LRBA: variants seen among roughly 807,000 people sequenced by gnomAD.
LRBA encodes the protein lipopolysaccharide-responsive and beige-like anchor protein.
In LRBA, 176 loss-of-function variants were observed where a neutral mutation model predicts 330.0. The ratio of observed to expected loss-of-function variants is 0.53; its 90% CI spans 0.47 to 0.60. LRBA has a LOEUF of 0.60. LRBA is among the 20% of genes least tolerant of loss of function. The pLI is 0.00. For missense variants in LRBA, 3,259 were observed against 3,444.8 expected (o/e 0.95, Z 1.35); for synonymous variants, 1,230 against 1,193.0 (o/e 1.03, Z -0.64).
Position 150,282,479 on chromosome 4 carries a change from C to T in LRBA, c.8287G>A (p.Ala2763Thr). Residue 2763 changes from alanine (A) to threonine (T), a missense_variant, in exon 55 of 57, where the codon GCC (alanine) becomes ACC (threonine). Physicochemically the swap from Ala to Thr is moderately conservative, Grantham distance 58 (BLOSUM62 0). Coordinates refer to ENST00000651943, the MANE Select transcript of LRBA (RefSeq NM_001364905.1). ...CTFSVNGKLQ[A>T]TMETDDNIRA... ...ATGTTATCATCTGTTTCCATCGTGG[C>T]CTGGAGTTTTCCATTCACACTGAAT... 6.2e-7 allele frequency: 1 copy of T among 1,614,136 alleles called. No individual in the cohort carries two copies. The highest frequency in any genetic ancestry group is 2.2e-5 in the East Asian group (1 of 44,872).
chr4:150,567,256 T>C (rs899355992), intron 40 of LRBA, among the ~76,000 whole-genome samples: 1 of 152,134 alleles, frequency 6.6e-6, no homozygotes, highest in African/African-American at 2.4e-5. Context: ...ATATATTATC[T>C]GATCATGTCG....
intron 40 of LRBA, among the ~76,000 whole-genome samples, chr4:150,576,363 A>G (rs1020128190): frequency 6.6e-6 from 1 of 151,966 alleles, no homozygotes; most frequent in African/African-American, 2.4e-5. Context: ...TAAGGTCAAA[A>G]GACATATGCC....
At chr4:150,774,539 T>C (rs1304933277) in intron 34 of LRBA, among the ~76,000 whole-genome samples, 1 of 152,244 alleles carries the variant, frequency 6.6e-6, no homozygotes, top group Non-Finnish European at 1.5e-5. Flanking sequence ...CTGACTGACT[T>C]GTAGAATGGC....
chr4:150,636,576 T>G (rs1269460652), intron 37 of LRBA, among the ~76,000 whole-genome samples: 1 of 152,146 alleles, frequency 6.6e-6, no homozygotes. Flanking sequence ...AGGCTTTAGG[T>G]GCATTCATTG....
At chr4:150,799,038 TC>T (rs1232502535) in intron 33 of LRBA, among the ~76,000 whole-genome samples, 2 of 152,182 alleles carry the variant, frequency 1.3e-5, no homozygotes, top group Admixed American at 1.3e-4. Flanking sequence ...CCCTATCCAT[TC>T]CCTTTGTCTT....
At chr4:150,809,909 C>T (rs539875010) in intron 31 of LRBA, among the ~76,000 whole-genome samples, 1 of 151,112 alleles carries the variant, frequency 6.6e-6, no homozygotes, top group East Asian at 1.9e-4. Flanking sequence ...CGATACGATA[C>T]GATACGATAC....
rs59516400 is a variant in LRBA at position 150,575,355 on chromosome 4, G to A, written c.6330+12693C>T. Among the ~76,000 whole-genome samples the A allele has an allele frequency of 1.3e-3, 193 of 151,928 alleles. 3 individuals are homozygous for A. Among genetic ancestry groups the A allele is most frequent in the African/African-American group, 4.5e-3 (188 of 41,482 alleles). ...TTACTCTAATTCATAACATTTAAAG[G>A]ATGAGGCAGGCTAGATTTTTAACAT... On this transcript the variant is annotated intron_variant, in intron 40 of 56. Transcript: ENST00000651943.
chr4:150,983,376 C>A (rs937995571), intron 2 of LRBA, among the ~76,000 whole-genome samples: 3 of 151,660 alleles, frequency 2.0e-5, no homozygotes, highest in African/African-American at 7.3e-5. Context: ...GAATGCTTGA[C>A]CCCAGGAGGT....
Position 150,906,330 on chromosome 4 carries a change from C to T in LRBA, c.1569G>A (p.Lys523=). ...IAMQEQMLAC[K]GFLVIGYSLE... is the part of the protein sequence containing the mutation. Reference sequence around the variant, plus strand: ...GGCTATATCCTATTACCAAGAAGCCCTTACAGGCAAGCATCTGTTCCTGCA... The same window carrying T: ...GGCTATATCCTATTACCAAGAAGCCTTTACAGGCAAGCATCTGTTCCTGCA... The change falls in exon 12 of 57, where the codon AAG becomes AAA. Residue 523 remains lysine, a synonymous_variant. Transcript: ENST00000651943. The T allele has an allele frequency of 6.2e-7, 1 of 1,610,344 alleles. No individual in the cohort carries two copies. The highest frequency in any genetic ancestry group is 8.5e-7 in the Non-Finnish European group (1 of 1,176,918).
chr4:150,933,128 C>T (rs1734692336), intron 2 of LRBA, among the ~76,000 whole-genome samples: 1 of 152,018 alleles, frequency 6.6e-6, no homozygotes, highest in Admixed American at 6.5e-5. Context: ...TGGATCACTC[C>T]TGTAATCCCA....
At chr4:150,606,594 T>A (rs1271957001) in intron 37 of LRBA, among the ~76,000 whole-genome samples, 3 of 152,170 alleles carry the variant, frequency 2.0e-5, no homozygotes, top group Non-Finnish European at 4.4e-5. Context: ...TGTTCTCTGT[T>A]ATATACAGTA....
At chr4:150,655,323 T>G (rs1780079186) in intron 37 of LRBA, among the ~76,000 whole-genome samples, 1 of 152,204 alleles carries the variant, frequency 6.6e-6, no homozygotes, top group African/African-American at 2.4e-5. Context: ...GCAGTGTATA[T>G]TCTTCATTGT....
chr4:150,282,538 C>A lies in LRBA; in HGVS notation c.8228G>T (p.Cys2743Phe), dbSNP rs759507023. ...KLIQASREGH[C>F]VIFYENGLFC... is the part of the protein sequence containing the mutation. ...GAGGCCGTTTTCATAGAATATGACA[C>A]AATGACCCTCTCTTGAAGCCTGAAT... Residue 2743 changes from cysteine to phenylalanine, a missense_variant, in exon 55 of 57, where the codon TGT becomes TTT. Cys to Phe is a radical substitution (Grantham distance 205). Transcript: ENST00000651943. 26 of 1,614,000 alleles carry A rather than the reference C, an allele frequency of 1.6e-5. No individual in the cohort carries two copies. The South Asian group carries it at 2.2e-4, about 14-fold the overall frequency.
At chr4:150,309,942 T>C (rs1730841825) in intron 52 of LRBA, among the ~76,000 whole-genome samples, 1 of 152,150 alleles carries the variant, frequency 6.6e-6, no homozygotes, top group South Asian at 2.1e-4. Flanking sequence ...TGCATGGTAT[T>C]TACATACCAG....
At chr4:150,345,983 T>C (rs1268241199) in intron 48 of LRBA, among the ~76,000 whole-genome samples, 3 of 152,036 alleles carry the variant, frequency 2.0e-5, no homozygotes, top group Non-Finnish European at 4.4e-5. Context: ...AATTTTTAAA[T>C]TTGTTGTGGA....
chr4:150,586,399 G>GT (rs1266582214), intron 40 of LRBA, among the ~76,000 whole-genome samples: 1 of 151,972 alleles, frequency 6.6e-6, no homozygotes, highest in Non-Finnish European at 1.5e-5. Flanking sequence ...TTTAATGCAG[G>GT]TATCAGTTAA....
At chr4:150,509,837 C>A (rs142255583) in intron 40 of LRBA, among the ~76,000 whole-genome samples, 5 of 152,200 alleles carry the variant, frequency 3.3e-5, no homozygotes, top group African/African-American at 1.2e-4. Flanking sequence ...GAACAGATCT[C>A]TTGAAAGACA....
chr4:150,802,864 T>C lies in LRBA; in HGVS notation c.5518+3407A>G, dbSNP rs1741870453. ...GTGGCGAAACCCCATCTCTACAAAA[T>C]ATACAAAATTTAGCCAGCTTGGTGG... On this transcript the variant is annotated intron_variant, in intron 33 of 56. Coordinates refer to ENST00000651943, the MANE Select transcript of LRBA (RefSeq NM_001364905.1). 2.7e-5 allele frequency among the ~76,000 whole-genome samples: 4 copies of C among 150,780 alleles called. No individual in the cohort carries two copies. The South Asian group carries it at 8.4e-4, about 32-fold the overall frequency.
Position 150,467,790 on chromosome 4 carries a change from T to C in LRBA, c.6668-5A>G, listed in dbSNP as rs771495278. 14 of 1,355,270 alleles carry C rather than the reference T, an allele frequency of 1.0e-5. No homozygotes were observed. The highest frequency in any genetic ancestry group is 1.4e-5 in the Non-Finnish European group (14 of 966,006). 84.0% of individuals were successfully genotyped at this position (1,355,270 alleles called of 1,614,324 possible). On this transcript the variant is annotated splice_region_variant and splice_polypyrimidine_tract_variant and intron_variant, in intron 43 of 56. Coordinates refer to ENST00000651943, the MANE Select transcript of LRBA (RefSeq NM_001364905.1). ...TTAAGTCATTATAACTCCGTCCTGA[T>C]AGGGAAAAAAGTTACTCGTAATTTA...
Sources: allele counts gnomAD v4.1 joint callset (sites outside exome capture counted in the v4.1 genomes callset), GRCh38; gene constraint gnomAD v4.1.1; transcripts MANE v1.5; gene names NCBI Gene and HGNC (gene_info 2026-07-23, HGNC 2026-07-21).